Variants in CCDC178 observed in about 807,000 individuals in gnomAD.
CCDC178 encodes coiled-coil domain containing 178.
A neutral mutation model predicts 117.4 loss-of-function variants in CCDC178; 126 were observed. The observed-to-expected ratio is 1.07, with a 90% CI of 0.93 to 1.24. The LOEUF (loss-of-function observed/expected upper bound fraction) is 1.24, where lower values mean the gene tolerates loss of function less well. CCDC178 is among the 50% of genes most tolerant of loss of function. The pLI is 0.00. For missense variants in CCDC178, 1,030 were observed against 986.9 expected (o/e 1.04, Z -0.59); for synonymous variants, 283 against 313.4 (o/e 0.90, Z 1.02).
At chr18:33,416,944 T>C (rs1296500454) in intron 2 of CCDC178, among the ~76,000 whole-genome samples, 2 of 152,090 alleles carry the variant, frequency 1.3e-5, no homozygotes, top group East Asian at 3.9e-4. Context: ...AAAAAATAGT[T>C]GCAACATGAA....
intron 2 of CCDC178, among the ~76,000 whole-genome samples, chr18:33,414,631 T>C (rs1018486877): frequency 3.3e-5 from 5 of 152,196 alleles, no homozygotes; most frequent in East Asian, 3.9e-4. Context: ...ATTCAGGACA[T>C]AGGCATTGGC....
intron 11 of CCDC178, among the ~76,000 whole-genome samples, chr18:33,306,577 T>C (rs2062257068): frequency 1.4e-5 from 2 of 146,610 alleles, no homozygotes; most frequent in South Asian, 4.3e-4. Context: ...ATATAATATA[T>C]GGTTATATAT....
chr18:32,959,895 TTTG>T lies in CCDC178; in HGVS notation c.2523+14649_2523+14651del, dbSNP rs1315682362. 3.3e-5 allele frequency among the ~76,000 whole-genome samples: 5 copies of T among 152,106 alleles called. No individual in the cohort carries two copies. In the East Asian group the frequency reaches 5.8e-4, roughly 18 times the overall value. Reference sequence around the variant, plus strand: ...AAAAAAAATAAAAATGCTGGAGTCTTTTGTTGTTGTTGTTAAGTCTAAGAAAAA... The same window carrying T: ...AAAAAAAATAAAAATGCTGGAGTCTTTTGTTGTTGTTAAGTCTAAGAAAAA... On this transcript the variant is annotated intron_variant, in intron 22 of 22. Transcript: ENST00000383096.
At chr18:33,394,943 G>GTATATATATATATA (rs61298209) in intron 4 of CCDC178, among the ~76,000 whole-genome samples, 23 of 61,506 alleles carry the variant, frequency 3.7e-4, no homozygotes, top group African/African-American at 4.2e-4. Context: ...ATATGTATGT[G>GTATATATATATATA]TATATATATA....
At chr18:33,191,292 A>G (rs974316101) in intron 20 of CCDC178, among the ~76,000 whole-genome samples, 16 of 152,232 alleles carry the variant, frequency 1.1e-4, no homozygotes, top group South Asian at 1.0e-3. Context: ...TGGAGACAAG[A>G]TCTTTATTTA....
chr18:33,344,678 CCAAA>C (rs1568163739), intron 9 of CCDC178, among the ~76,000 whole-genome samples: 1 of 151,866 alleles, frequency 6.6e-6, no homozygotes, highest in Non-Finnish European at 1.5e-5. Context: ...GAAGAACCTC[CCAAA>C]CAATTAGGAA....
At chr18:33,129,378 A>G (rs571589017) in intron 20 of CCDC178, among the ~76,000 whole-genome samples, 3 of 152,234 alleles carry the variant, frequency 2.0e-5, no homozygotes, top group African/African-American at 7.2e-5. Flanking sequence ...TTAGAACCCA[A>G]GGGCAAATTC....
intron 21 of CCDC178, among the ~76,000 whole-genome samples, chr18:33,050,660 T>A (rs1248742124): frequency 6.6e-6 from 1 of 152,176 alleles, no homozygotes; most frequent in Non-Finnish European, 1.5e-5. Context: ...TTCTTAGCTA[T>A]CCTGTGGATT....
chr18:33,193,983 G>C (rs1242325223), intron 20 of CCDC178, among the ~76,000 whole-genome samples: 2 of 152,148 alleles, frequency 1.3e-5, no homozygotes, highest in Non-Finnish European at 2.9e-5. Flanking sequence ...GCAAAAGGGG[G>C]CCAAATATGT....
chr18:33,263,823 A>G (rs978890223), intron 14 of CCDC178, among the ~76,000 whole-genome samples: 3 of 152,104 alleles, frequency 2.0e-5, no homozygotes, highest in Non-Finnish European at 4.4e-5. Flanking sequence ...TTTCATAAAC[A>G]TAAGATTGCA....
At chr18:32,969,742 T>G (rs1436805866) in intron 22 of CCDC178, among the ~76,000 whole-genome samples, 2 of 152,008 alleles carry the variant, frequency 1.3e-5, no homozygotes, top group Non-Finnish European at 2.9e-5. Context: ...GTGCAATTTA[T>G]CTTATGGGAC....
intron 3 of CCDC178, among the ~76,000 whole-genome samples, chr18:33,411,463 T>C (rs1268806442): frequency 6.6e-6 from 1 of 152,162 alleles, no homozygotes; most frequent in African/African-American, 2.4e-5. Context: ...GGCTATAATT[T>C]ACTGACCTCT....
chr18:33,384,221 A>T (rs1435833799), intron 5 of CCDC178, among the ~76,000 whole-genome samples: 4 of 152,198 alleles, frequency 2.6e-5, no homozygotes, highest in African/African-American at 4.8e-5. Flanking sequence ...ATGTAAAGAG[A>T]CCAAATCTAT....
intron 21 of CCDC178, among the ~76,000 whole-genome samples, chr18:33,073,698 T>C (rs1292068398): frequency 6.6e-6 from 1 of 152,176 alleles, no homozygotes; most frequent in Non-Finnish European, 1.5e-5. Context: ...TGCCGGGCAC[T>C]TCTCTAGGTG....
In CCDC178 at chr18:33,011,767, C is replaced by CAAAAAAAAAAA. The variant is rs71177899; in HGVS notation, c.2389-37097_2389-37087dup. Among the ~76,000 whole-genome samples the CAAAAAAAAAAA allele has an allele frequency of 2.7e-4, 8 of 30,008 alleles. 1 individual carries two copies. Among genetic ancestry groups the CAAAAAAAAAAA allele is most frequent in the Admixed American group, 3.9e-4 (1 of 2,540 alleles). 19.7% of individuals were successfully genotyped at this position (30,008 alleles called of 152,430 possible). ...ACGTGGCAAATGATTGAGCAGAATG[C>CAAAAAAAAAAA]AAAAAAAAAAAAAAAAAAAAAAAAA... On this transcript the variant is annotated intron_variant, in intron 21 of 22. Transcript: ENST00000383096.
intron 22 of CCDC178, among the ~76,000 whole-genome samples, chr18:32,950,047 T>C (rs1363562498): frequency 6.6e-6 from 1 of 152,164 alleles, no homozygotes; most frequent in Non-Finnish European, 1.5e-5. Flanking sequence ...GATACAAACA[T>C]GTCATATGTA....
intron 14 of CCDC178, among the ~76,000 whole-genome samples, chr18:33,259,040 G>A (rs929919543): frequency 1.1e-4 from 17 of 152,090 alleles, no homozygotes; most frequent in African/African-American, 4.1e-4. Context: ...TGGGGGAAAT[G>A]ATGACATAGG....
At chr18:32,944,032 A>T (rs1178487391) in intron 22 of CCDC178, among the ~76,000 whole-genome samples, 1 of 152,184 alleles carries the variant, frequency 6.6e-6, no homozygotes, top group East Asian at 1.9e-4. Context: ...GGCACAGTGG[A>T]AGATATTGTG....
intron 14 of CCDC178, among the ~76,000 whole-genome samples, chr18:33,258,160 G>A (rs774335041): frequency 3.9e-5 from 6 of 152,028 alleles, no homozygotes; most frequent in Non-Finnish European, 7.4e-5. Context: ...AGCAGCCCAA[G>A]TGATCTCTCT....
Sources: gnomAD v4.1 joint callset for allele counts (sites outside exome capture counted in the v4.1 genomes callset) on GRCh38, gnomAD v4.1.1 for gene constraint, MANE v1.5 for transcripts, NCBI Gene and HGNC (gene_info 2026-07-23, HGNC 2026-07-21) for gene names.